Variants in PTGS1 observed in about 807,000 individuals in gnomAD.
The protein encoded by PTGS1 is prostaglandin-endoperoxide synthase 1.
PTGS1 carries 40 observed loss-of-function variants against 63.0 expected under a neutral mutation model. The ratio of observed to expected loss-of-function variants is 0.63; its 90% CI spans 0.49 to 0.83. The LOEUF (loss-of-function observed/expected upper bound fraction) is 0.83. PTGS1 is among the 40% of genes least tolerant of loss of function. The probability of loss-of-function intolerance (pLI) is 0.00; values close to 1 mark genes in which losing one functional copy is unlikely to be tolerated. For synonymous variants in PTGS1, 298 were observed against 301.9 expected, an observed-to-expected ratio of 0.99 and a Z score of 0.13; for missense variants, 709 against 786.5, an observed-to-expected ratio of 0.90 and a Z score of 1.18.
Position 122,391,374 on chromosome 9 carries a change from T to TATATATATAC in PTGS1, c.1445-806_1445-805insCATATATATA, listed in dbSNP as rs1564147313. On this transcript the variant is annotated intron_variant, in intron 10 of 10. Transcript: ENST00000362012. ...ATATATATACATATATATATATACA[T>TATATATATAC]ATATATATATACATATATATATACA... 2.8e-3 allele frequency among the ~76,000 whole-genome samples: 232 copies of TATATATATAC among 81,450 alleles called. 1 individual carries two copies. Among genetic ancestry groups the TATATATATAC allele is most frequent in the South Asian group, 3.1e-3 (7 of 2,232 alleles). 53.4% of individuals were successfully genotyped at this position (81,450 alleles called of 152,430 possible).
chr9:122,371,848 T>G (rs1395086919), intron 2 of PTGS1: 2 of 1,502,646 alleles, frequency 1.3e-6, no homozygotes, highest in Non-Finnish European at 1.8e-6. Flanking sequence ...GGTGCCATGA[T>G]TCCCCAAGCT....
Position 122,378,530 on chromosome 9 carries a change from T to C in PTGS1, c.309T>C (p.Asn103=). Residue 103 remains asparagine (N), a synonymous_variant, in exon 4 of 11, where the codon AAT becomes AAC. Transcript: ENST00000362012. The part of the protein sequence containing the change: ...THGRWFWEFV[N]ATFIREMLMR... ...GGCGCTGGTTCTGGGAGTTTGTCAA[T>C]GCCACCTTCATCCGAGAGATGCTCA... 6.2e-7 allele frequency: 1 copy of C among 1,614,226 alleles called. No homozygotes were observed. The highest frequency in any genetic ancestry group is 8.5e-7 in the Non-Finnish European group (1 of 1,180,040).
Position 122,381,109 on chromosome 9 carries a change from CCT to C in PTGS1, c.497-258_497-257del, listed in dbSNP as rs201448726. Among the ~76,000 whole-genome samples, 84 of 152,272 alleles carry C rather than the reference CCT, an allele frequency of 5.5e-4. 1 individual carries two copies. The East Asian group carries it at 0.015, about 28-fold the overall frequency. On this transcript the variant is annotated intron_variant, in intron 5 of 10. Transcript: ENST00000362012. ...TTTCTTCATCTTATTTCATTTCTCC[CCT>C]CTCATATTTTTATAAAGTATTTTAA...
chr9:122,389,536 C>T (rs912157970), intron 9 of PTGS1, among the ~76,000 whole-genome samples: 1 of 152,184 alleles, frequency 6.6e-6, no homozygotes, highest in East Asian at 1.9e-4. Flanking sequence ...TGCCAGGTTA[C>T]CTGGGCTTTG....
rs1218265301 is a variant in PTGS1 at position 122,392,382 on chromosome 9, G to A, written c.1638G>A (p.Pro546=). ...TCTGTTCTCCGGAGTACTGGAAGCC[G>A]AGCACATTTGGCGGCGAGGTGGGCT... ...NPICSPEYWK[P]STFGGEVGFN... Residue 546 remains proline (P), a synonymous_variant, in exon 11 of 11, where the codon CCG becomes CCA. Coordinates refer to ENST00000362012, the MANE Select transcript of PTGS1 (RefSeq NM_000962.4). 16 of 1,614,150 alleles carry A rather than the reference G, an allele frequency of 9.9e-6. No individual in the cohort carries two copies. Among genetic ancestry groups the A allele is most frequent in the Non-Finnish European group, 1.4e-5 (16 of 1,180,020 alleles).
chr9:122,381,759 C>A lies in PTGS1; in HGVS notation c.762+12C>A. 1 of 1,591,108 alleles carries A rather than the reference C, an allele frequency of 6.3e-7. No individual in the cohort carries two copies. The highest frequency in any genetic ancestry group is 8.5e-7 in the Non-Finnish European group (1 of 1,175,372). On this transcript the variant is annotated intron_variant, in intron 7 of 10. Transcript: ENST00000362012. ...AACTCAAGTACCAGGTAGTGCTGGG[C>A]CAGGGGGTAGGGCAGAGGGAGGGGT...
rs1046235086 is a variant in PTGS1, at chr9:122,392,125, GC to G, written c.1445-60del. The stretch of plus-strand genomic sequence containing the variant: ...AAAAAGGTGGACCTGGAAGGGTCCC[GC>G]CCCAGGTTGACCTTAATGGCATCAT... On this transcript the variant is annotated intron_variant, in intron 10 of 10. Transcript: ENST00000362012. 2.1e-6 allele frequency: 3 copies of G among 1,426,494 alleles called. No homozygotes were observed. The African/African-American group carries it at 4.3e-5, about 20-fold the overall frequency. 88.4% of individuals were successfully genotyped at this position (1,426,494 alleles called of 1,614,324 possible).
At chr9:122,372,625 A>G (rs1249311220) in intron 2 of PTGS1, 3 of 152,158 alleles carry the variant, frequency 2.0e-5, no homozygotes, top group Non-Finnish European at 4.4e-5. Flanking sequence ...TCGCTGACCC[A>G]TCTTGTCAGT....
intron 2 of PTGS1, chr9:122,375,396 A>G: frequency 1.0e-6 from 1 of 985,492 alleles, no homozygotes; most frequent in Non-Finnish European, 1.2e-6. Context: ...CACCTCAGAC[A>G]GCTGTTGAGG....
chr9:122,389,228 G>A (rs1394612643), intron 9 of PTGS1, among the ~76,000 whole-genome samples: 4 of 130,812 alleles, frequency 3.1e-5, no homozygotes, highest in African/African-American at 1.2e-4. Flanking sequence ...TTGGCTCACT[G>A]TAACCTCTAT....
At chr9:122,378,712 C>A in intron 4 of PTGS1, 63 bp from the exon 5 acceptor site, 2 of 1,606,622 alleles carry the variant, frequency 1.2e-6, no homozygotes, top group Non-Finnish European at 1.7e-6. Flanking sequence ...CAGGAGGAGG[C>A]AAGAACTGGG....
chr9:122,378,698 A>G lies in PTGS1; in HGVS notation c.353-77A>G. On this transcript the variant is annotated intron_variant, in intron 4 of 10. Coordinates refer to ENST00000362012, the MANE Select transcript of PTGS1 (RefSeq NM_000962.4). Reference sequence around the variant, plus strand: ...TATGATGCCTGATAAAATAAGCCCCAACCCAGGAGGAGGCAAGAACTGGGA... The same window carrying G: ...TATGATGCCTGATAAAATAAGCCCCGACCCAGGAGGAGGCAAGAACTGGGA... 2.5e-6 allele frequency: 4 copies of G among 1,603,552 alleles called. No homozygotes were observed. In the South Asian group the frequency reaches 3.3e-5, roughly 13 times the overall value.
In PTGS1 at chr9:122,383,741, G is replaced by A. The variant is rs978684239; in HGVS notation, c.995G>A (p.Arg332His). ...WGDEQLFQTT[R>H]LILIGETIKI... is the part of the protein sequence containing the mutation. ...GATGAGCAGCTTTTCCAGACGACCC[G>A]CCTCATCCTCATAGGTGAGGACTCC... The change falls in exon 8 of 11, where the codon CGC becomes CAC. Residue 332 changes from arginine (R) to histidine (H), a missense_variant. Coordinates refer to ENST00000362012, the MANE Select transcript of PTGS1 (RefSeq NM_000962.4). The A allele has an allele frequency of 5.0e-6, 8 of 1,610,888 alleles. No individual in the cohort carries two copies. Among genetic ancestry groups the A allele is most frequent in the South Asian group, 4.4e-5 (4 of 91,068 alleles).
At chr9:122,390,891 C>T (rs1838180925) in intron 10 of PTGS1, among the ~76,000 whole-genome samples, 2 of 151,652 alleles carry the variant, frequency 1.3e-5, no homozygotes. Context: ...AGCGAGACAC[C>T]ATCTCAAAAA....
intron 2 of PTGS1, chr9:122,371,839 G>A: frequency 1.3e-6 from 2 of 1,519,738 alleles, no homozygotes; most frequent in Non-Finnish European, 1.8e-6. Flanking sequence ...GGCTCAGTAG[G>A]TGCCATGATT....
chr9:122,385,343 CT>C (rs1837811465), intron 8 of PTGS1, among the ~76,000 whole-genome samples: 1 of 152,040 alleles, frequency 6.6e-6, no homozygotes, highest in African/African-American at 2.4e-5. Flanking sequence ...GCTCAGGTGG[CT>C]GGAAATGGTA....
At chr9:122,370,916 C>A, upstream of PTGS1, 1 of 1,128,872 alleles carries the variant, frequency 8.9e-7, no homozygotes, top group Non-Finnish European at 1.2e-6. Flanking sequence ...AATGCCTTGG[C>A]CGGGGCTGGG....
chr9:122,381,836 G>A, intron 7 of PTGS1, 89 bp downstream of exon 7: 1 of 1,372,918 alleles, frequency 7.3e-7, no homozygotes, highest in South Asian at 1.2e-5. Flanking sequence ...TCTGGGTCAT[G>A]TCCTGAGAGG....
At chr9:122,391,466 T>C (rs1276755829) in intron 10 of PTGS1, among the ~76,000 whole-genome samples, 5 of 144,892 alleles carry the variant, frequency 3.5e-5, no homozygotes, top group African/African-American at 1.3e-4. Context: ...TATCCTCAGA[T>C]GTTGGGCAGC....
Sources: allele counts gnomAD v4.1 joint callset (sites outside exome capture counted in the v4.1 genomes callset), GRCh38; gene constraint gnomAD v4.1.1; transcripts MANE v1.5; gene names NCBI Gene and HGNC (gene_info 2026-07-23, HGNC 2026-07-21).